Variants in AKAIN1 observed in about 807,000 individuals in gnomAD.
AKAIN1 encodes A-kinase anchor protein inhibitor 1.
Under a neutral mutation model 3.7 loss-of-function variants are expected in AKAIN1, and 3 were observed. The ratio of observed to expected loss-of-function variants is 0.82; its 90% CI spans 0.37 to 2.12. The LOEUF (loss-of-function observed/expected upper bound fraction) is 2.12, where lower values mean the gene tolerates loss of function less well. AKAIN1 is among the 30% of genes most tolerant of loss of function. The probability of loss-of-function intolerance (pLI) is 0.06; values close to 1 mark genes in which losing one functional copy is unlikely to be tolerated. For missense variants in AKAIN1, 82 were observed against 82.7 expected (o/e 0.99, Z 0.03); for synonymous variants, 31 against 30.8 (o/e 1.01, Z -0.02).
intron 1 of AKAIN1, among the ~76,000 whole-genome samples, chr18:5,156,082 G>C (rs1049486163): frequency 6.6e-6 from 1 of 152,054 alleles, no homozygotes; most frequent in African/African-American, 2.4e-5. Context: ...GAGGTTTCCT[G>C]TCCCCACTCA....
chr18:5,180,400 G>A (rs770366351), intron 1 of AKAIN1, among the ~76,000 whole-genome samples: 40 of 126,326 alleles, frequency 3.2e-4, no homozygotes, highest in Non-Finnish European at 2.4e-4. Flanking sequence ...GGTTCATGGG[G>A]AGAGACCTGC....
rs773705348 is a variant in AKAIN1 at position 5,143,652 on chromosome 18, C to T, written c.*1910G>A. 5.9e-5 allele frequency among the ~76,000 whole-genome samples: 9 copies of T among 152,240 alleles called. No homozygotes were observed. Among genetic ancestry groups the T allele is most frequent in the East Asian group, 3.9e-4 (2 of 5,182 alleles). On this transcript the variant is annotated 3_prime_UTR_variant, in exon 2 of 2. Transcript: ENST00000434239. The stretch of plus-strand genomic sequence containing the variant: ...AGATCCACGTACAAAATGAGCCAAA[C>T]GGCAGAGTCTAGAAAACTTTGCTTA...
Position 5,160,890 on chromosome 18 carries a change from T to C in AKAIN1, c.17-15135A>G, listed in dbSNP as rs201315702. 4.0e-5 allele frequency among the ~76,000 whole-genome samples: 6 copies of C among 150,660 alleles called. No individual in the cohort carries two copies. In the East Asian group the frequency reaches 1.2e-3, roughly 29 times the overall value. On this transcript the variant is annotated intron_variant, in intron 1 of 1. Transcript: ENST00000434239. ...TATGTGGTGGGCTGTTTTTAAATTA[T>C]TTATTCTTTTCCATTGAACTACTTG...
At position 5,171,465 on chromosome 18, in the gene AKAIN1, AT is replaced by A. The variant is rs1163837730; in HGVS notation, c.16+25572del. On this transcript the variant is annotated intron_variant, in intron 1 of 1. Transcript: ENST00000434239. ...TCTGACAATGGATTAATACCAAAAT[AT>A]ATAAGGAGCTCAAACAACACTACTG... Among the ~76,000 whole-genome samples, 4 of 152,268 alleles carry A rather than the reference AT, an allele frequency of 2.6e-5. No homozygotes were observed. In the East Asian group the frequency reaches 7.7e-4, roughly 29 times the overall value.
intron 1 of AKAIN1, among the ~76,000 whole-genome samples, chr18:5,157,820 GACT>G (rs2071116803): frequency 6.6e-6 from 1 of 152,066 alleles, no homozygotes; most frequent in African/African-American, 2.4e-5. Context: ...GAGTAGCTGG[GACT>G]ACAGGTGCAT....
intron 1 of AKAIN1, among the ~76,000 whole-genome samples, chr18:5,169,207 C>A (rs373151621): frequency 6.6e-6 from 1 of 152,014 alleles, no homozygotes; most frequent in Non-Finnish European, 1.5e-5. Flanking sequence ...GCTCTTACAG[C>A]CTTCAACTGG....
intron 1 of AKAIN1, among the ~76,000 whole-genome samples, chr18:5,153,143 T>C (rs2071088668): frequency 6.6e-6 from 1 of 152,148 alleles, no homozygotes; most frequent in Non-Finnish European, 1.5e-5. Context: ...TGGAAAGCTT[T>C]TATGTGCAGA....
chr18:5,156,617 T>C (rs537205792), intron 1 of AKAIN1, among the ~76,000 whole-genome samples: 1 of 152,316 alleles, frequency 6.6e-6, no homozygotes, highest in Non-Finnish European at 1.5e-5. Context: ...GGCTATGAAT[T>C]CAGTAATGCT....
At chr18:5,185,589 T>C (rs556754249) in intron 1 of AKAIN1, among the ~76,000 whole-genome samples, 1 of 152,096 alleles carries the variant, frequency 6.6e-6, no homozygotes, top group African/African-American at 2.4e-5. Context: ...AATAAGCACA[T>C]AAAAAATGCT....
intron 1 of AKAIN1, among the ~76,000 whole-genome samples, chr18:5,189,683 A>G (rs1022432944): frequency 3.3e-5 from 5 of 151,612 alleles, no homozygotes; most frequent in Admixed American, 1.3e-4. Flanking sequence ...TTTACCATCC[A>G]TATTTCTACC....
chr18:5,184,314 A>G (rs2071275235), intron 1 of AKAIN1, among the ~76,000 whole-genome samples: 2 of 152,100 alleles, frequency 1.3e-5, no homozygotes, highest in South Asian at 4.1e-4. Flanking sequence ...AGCCGGTCCT[A>G]GTCAACATAG....
In AKAIN1 at chr18:5,144,044, T is replaced by C. The variant is rs549915735; in HGVS notation, c.*1518A>G. On this transcript the variant is annotated 3_prime_UTR_variant, in exon 2 of 2. Transcript: ENST00000434239. ...ACTCTTCACTTGGCATGAATTCTGC[T>C]AAAAGAAATACTTGTGAGTAAACAA... is the stretch of plus-strand genomic sequence containing the variant. Among the ~76,000 whole-genome samples, 1 of 152,342 alleles carries C rather than the reference T, an allele frequency of 6.6e-6. No individual in the cohort carries two copies. The highest frequency in any genetic ancestry group is 2.1e-4 in the South Asian group (1 of 4,830).
chr18:5,186,808 A>C (rs1254759328), intron 1 of AKAIN1, among the ~76,000 whole-genome samples: 2 of 152,160 alleles, frequency 1.3e-5, no homozygotes, highest in African/African-American at 4.8e-5. Context: ...ATACCTTACC[A>C]AATTTAAAAC....
chr18:5,177,881 T>A (rs149380817), intron 1 of AKAIN1, among the ~76,000 whole-genome samples: 29 of 152,184 alleles, frequency 1.9e-4, no homozygotes, highest in African/African-American at 6.7e-4. Context: ...TGAAGGAACA[T>A]CAAAAGCTGC....
intron 1 of AKAIN1, among the ~76,000 whole-genome samples, chr18:5,183,447 T>C (rs1363126532): frequency 1.3e-5 from 2 of 152,064 alleles, no homozygotes; most frequent in African/African-American, 4.8e-5. Context: ...TTTCAAATGA[T>C]GAAATATAAT....
intron 1 of AKAIN1, among the ~76,000 whole-genome samples, chr18:5,157,250 C>T (rs2071113492): frequency 6.6e-6 from 1 of 152,190 alleles, no homozygotes; most frequent in East Asian, 1.9e-4. Flanking sequence ...CAGCTTCCGT[C>T]TTCAGGATAA....
Position 5,144,210 on chromosome 18 carries a change from A to G in AKAIN1, c.*1352T>C, listed in dbSNP as rs972476465. 1.3e-5 allele frequency among the ~76,000 whole-genome samples: 2 copies of G among 152,186 alleles called. No individual in the cohort carries two copies. The highest frequency in any genetic ancestry group is 2.9e-5 in the Non-Finnish European group (2 of 68,034). Reference sequence around the variant, plus strand: ...TATCTATTATCCAACTATTTATTCTAGAAACTGTAGCATATTGGAATTTTA... The same window carrying G: ...TATCTATTATCCAACTATTTATTCTGGAAACTGTAGCATATTGGAATTTTA... On this transcript the variant is annotated 3_prime_UTR_variant, in exon 2 of 2. Transcript: ENST00000434239.
chr18:5,160,209 C>T (rs760623002), intron 1 of AKAIN1, among the ~76,000 whole-genome samples: 4 of 152,152 alleles, frequency 2.6e-5, no homozygotes, highest in Non-Finnish European at 5.9e-5. Flanking sequence ...GCACTCTCCT[C>T]AGCAAGGAAC....
intron 1 of AKAIN1, among the ~76,000 whole-genome samples, chr18:5,168,464 C>T (rs1467939250): frequency 6.6e-6 from 1 of 151,730 alleles, no homozygotes; most frequent in Non-Finnish European, 1.5e-5. Context: ...TTTGAAAGAC[C>T]ACGTATCCAG....
Sources: allele counts gnomAD v4.1 joint callset (sites outside exome capture counted in the v4.1 genomes callset), GRCh38; gene constraint gnomAD v4.1.1; transcripts MANE v1.5; gene names NCBI Gene and HGNC (gene_info 2026-07-23, HGNC 2026-07-21).